Variants in SPIDR observed in about 807,000 individuals in gnomAD.
SPIDR encodes scaffold protein involved in DNA repair.
Under a neutral mutation model 104.6 loss-of-function variants are expected in SPIDR, and 93 were observed. That is an observed-to-expected ratio of 0.89 (90% CI 0.75 to 1.06). SPIDR has a LOEUF of 1.06. SPIDR is among the 50% of genes least tolerant of loss of function. SPIDR has a pLI of 0.00. For missense variants in SPIDR, 1,154 were observed against 1,111.2 expected (o/e 1.04, Z -0.55); for synonymous variants, 431 against 416.9 (o/e 1.03, Z -0.41).
chr8:47,661,857 G>A (rs1177887736), intron 10 of SPIDR, among the ~76,000 whole-genome samples: 1 of 152,340 alleles, frequency 6.6e-6, no homozygotes, highest in African/African-American at 2.4e-5. Flanking sequence ...GTCGATAGTG[G>A]CAGAGCTGGG....
chr8:47,515,814 C>CT (rs568441354), intron 8 of SPIDR, among the ~76,000 whole-genome samples: 2 of 152,126 alleles, frequency 1.3e-5, no homozygotes, highest in African/African-American at 4.8e-5. Flanking sequence ...CATGAAATGC[C>CT]TTTTTTTCCT....
chr8:47,433,682 A>G (rs782527819), intron 7 of SPIDR, among the ~76,000 whole-genome samples: 10 of 152,256 alleles, frequency 6.6e-5, no homozygotes, highest in Non-Finnish European at 1.3e-4. Flanking sequence ...ATTCTCATTT[A>G]AATGCAATCC....
intron 5 of SPIDR, among the ~76,000 whole-genome samples, chr8:47,352,711 C>T (rs782416347): frequency 3.2e-4 from 48 of 151,986 alleles, no homozygotes; most frequent in Admixed American, 1.4e-3. Context: ...TTCTGGGAGA[C>T]GCAAAATTTA....
intron 10 of SPIDR, among the ~76,000 whole-genome samples, chr8:47,656,015 A>G (rs1044308934): frequency 1.3e-5 from 2 of 152,224 alleles, no homozygotes; most frequent in African/African-American, 2.4e-5. Flanking sequence ...GTATCCACAT[A>G]TAAAAGAATT....
intron 11 of SPIDR, among the ~76,000 whole-genome samples, chr8:47,689,646 C>T (rs2078341898): frequency 6.6e-6 from 1 of 152,150 alleles, no homozygotes; most frequent in East Asian, 1.9e-4. Context: ...GTACTGGGTA[C>T]CTTGCAGAGG....
intron 11 of SPIDR, among the ~76,000 whole-genome samples, chr8:47,684,416 G>GCTTT (rs2077491719): frequency 6.6e-6 from 1 of 152,178 alleles, no homozygotes; most frequent in Non-Finnish European, 1.5e-5. Flanking sequence ...TCACTGAGGG[G>GCTTT]AGAAGCTGTG....
intron 5 of SPIDR, among the ~76,000 whole-genome samples, chr8:47,338,672 G>T (rs1554611485): frequency 6.6e-6 from 1 of 152,102 alleles, no homozygotes; most frequent in Non-Finnish European, 1.5e-5. Flanking sequence ...ATACTTAAGA[G>T]TATCTATTTT....
chr8:47,304,180 A>G (rs1162835746), intron 5 of SPIDR, among the ~76,000 whole-genome samples: 2 of 152,182 alleles, frequency 1.3e-5, no homozygotes, highest in East Asian at 3.8e-4. Flanking sequence ...GTATTAAAAT[A>G]GGGGACTAAT....
At chr8:47,727,070 C>A in intron 16 of SPIDR, 130 bp from the exon 17 acceptor site, 1 of 645,840 alleles carries the variant, frequency 1.5e-6, no homozygotes, top group African/African-American at 1.8e-5. Flanking sequence ...ATCTTAGGAA[C>A]ATGTATATAA....
chr8:47,334,261 G>T (rs2049292410), intron 5 of SPIDR, among the ~76,000 whole-genome samples: 1 of 152,142 alleles, frequency 6.6e-6, no homozygotes, highest in South Asian at 2.1e-4. Flanking sequence ...GGATGAAGTG[G>T]TCTATAAATG....
chr8:47,492,902 A>G (rs936990578), intron 8 of SPIDR, among the ~76,000 whole-genome samples: 1 of 152,064 alleles, frequency 6.6e-6, no homozygotes, highest in African/African-American at 2.4e-5. Flanking sequence ...TTCCACCCTC[A>G]TTGTGCCTGG....
At chr8:47,294,272 G>T in intron 5 of SPIDR, 1 of 426,710 alleles carries the variant, frequency 2.3e-6, no homozygotes, top group Non-Finnish European at 4.1e-6. Context: ...CACACCGAAT[G>T]TTTTTTATCC....
At chr8:47,329,442 A>G (rs1419332816) in intron 5 of SPIDR, among the ~76,000 whole-genome samples, 2 of 152,126 alleles carry the variant, frequency 1.3e-5, no homozygotes, top group Admixed American at 1.3e-4. Flanking sequence ...TCCTAGCCTC[A>G]AGTGGTCTGT....
At chr8:47,720,066 G>A (rs2083181297) in intron 16 of SPIDR, among the ~76,000 whole-genome samples, 1 of 152,198 alleles carries the variant, frequency 6.6e-6, no homozygotes, top group Non-Finnish European at 1.5e-5. Flanking sequence ...TACTGTCTCT[G>A]TAGTTTGGCC....
chr8:47,454,656 G>T (rs1417798678), intron 8 of SPIDR, among the ~76,000 whole-genome samples: 1 of 151,986 alleles, frequency 6.6e-6, no homozygotes, highest in African/African-American at 2.4e-5. Flanking sequence ...TAAAAGACCT[G>T]AAAGAAACTG....
At position 47,511,205 on chromosome 8, in the gene SPIDR, G is replaced by T; in HGVS notation, c.1097+70663G>T. ...TGGATGTTGCTGATCCTGTGGCTGT[G>T]GTTAAATTTCTGCACCAGCCTCCCA... On this transcript the variant is annotated intron_variant, in intron 8 of 19. Coordinates refer to ENST00000297423, the MANE Select transcript of SPIDR (RefSeq NM_001080394.4). 3 of 1,591,506 alleles carry T rather than the reference G, an allele frequency of 1.9e-6. No homozygotes were observed. The African/African-American group carries it at 4.0e-5, about 21-fold the overall frequency.
At chr8:47,375,273 A>C (rs1476969642) in intron 5 of SPIDR, among the ~76,000 whole-genome samples, 3 of 98,108 alleles carry the variant, frequency 3.1e-5, no homozygotes, top group African/African-American at 1.2e-4. Flanking sequence ...CCAGAGTCGC[A>C]CTCTGTTGCC....
At chr8:47,532,467 A>G (rs1000293698) in intron 8 of SPIDR, among the ~76,000 whole-genome samples, 4 of 152,260 alleles carry the variant, frequency 2.6e-5, no homozygotes, top group Admixed American at 2.6e-4. Context: ...ACATTGATCA[A>G]CAGAAAGCTG....
chr8:47,295,715 G>A (rs1243444518), intron 5 of SPIDR, among the ~76,000 whole-genome samples: 1 of 152,026 alleles, frequency 6.6e-6, no homozygotes, highest in Non-Finnish European at 1.5e-5. Context: ...CACCTAGATT[G>A]CTTCCAAATC....
Sources: allele counts gnomAD v4.1 joint callset (sites outside exome capture counted in the v4.1 genomes callset), GRCh38; gene constraint gnomAD v4.1.1; transcripts MANE v1.5; gene names NCBI Gene and HGNC (gene_info 2026-07-23, HGNC 2026-07-21).